The following PDE1A variants were observed in gnomAD, a reference collection of about 807,000 sequenced individuals.
PDE1A encodes dual specificity calcium/calmodulin-dependent 3',5'-cyclic nucleotide phosphodiesterase 1A.
A neutral mutation model predicts 61.7 loss-of-function variants in PDE1A; 35 were observed. The observed-to-expected ratio is 0.57, with a 90% CI of 0.43 to 0.75. The LOEUF (loss-of-function observed/expected upper bound fraction) is 0.75. Ranked by LOEUF, PDE1A falls within the 30% of genes least tolerant of loss-of-function variation. The pLI is 0.00. For missense variants in PDE1A, 597 were observed against 630.6 expected (o/e 0.95, Z 0.57); for synonymous variants, 232 against 213.2 (o/e 1.09, Z -0.77).
the PDE1A span, among the ~76,000 whole-genome samples, chr2:182,596,515 A>G: frequency 6.6e-6 from 1 of 152,178 alleles, no homozygotes; most frequent in South Asian, 2.1e-4. Context: ...AAGTGGCGAT[A>G]CTCTTCAATA....
chr2:182,704,186 C>T, the PDE1A span, among the ~76,000 whole-genome samples: 2 of 139,050 alleles, frequency 1.4e-5, no homozygotes, highest in Non-Finnish European at 3.0e-5. Context: ...ACTCCAGTCT[C>T]AGCAAGAGAG....
At chr2:182,357,977 C>T (rs994470709) in intron 1 of PDE1A, among the ~76,000 whole-genome samples, 1 of 152,172 alleles carries the variant, frequency 6.6e-6, no homozygotes, top group African/African-American at 2.4e-5. Context: ...GGGAAGTCAG[C>T]ACCCACTTCC....
At position 182,433,026 on chromosome 2, in the gene PDE1A, A is replaced by G. The variant is rs564772249; in HGVS notation, c.101+89250T>C. On this transcript the variant is annotated intron_variant, in intron 2 of 14. Transcript: ENST00000410103. Reference sequence around the variant, plus strand: ...ATCCACATCCTCCACCTGGATCTCTATTGAGGCTATTAAACCTTTGGCATC... The same window carrying G: ...ATCCACATCCTCCACCTGGATCTCTGTTGAGGCTATTAAACCTTTGGCATC... 5.9e-5 allele frequency among the ~76,000 whole-genome samples: 9 copies of G among 152,064 alleles called. No homozygotes were observed. The South Asian group carries it at 6.2e-4, about 11-fold the overall frequency.
chr2:182,444,490 A>G (rs1466818176), intron 2 of PDE1A, among the ~76,000 whole-genome samples: 3 of 152,118 alleles, frequency 2.0e-5, no homozygotes, highest in Non-Finnish European at 4.4e-5. Context: ...TATTCCATAC[A>G]TTTCTTTAAT....
the PDE1A span, among the ~76,000 whole-genome samples, chr2:182,559,981 C>T: frequency 6.6e-6 from 1 of 150,938 alleles, no homozygotes; most frequent in Non-Finnish European, 1.5e-5. Flanking sequence ...CAGCCAGTGA[C>T]TGGAAGGTAG....
chr2:182,325,786 G>C (rs1697003255), intron 1 of PDE1A, among the ~76,000 whole-genome samples: 1 of 152,124 alleles, frequency 6.6e-6, no homozygotes, highest in Non-Finnish European at 1.5e-5. Flanking sequence ...TGGCATGGTG[G>C]TGTGCATCTG....
the PDE1A span, among the ~76,000 whole-genome samples, chr2:182,607,959 G>A: frequency 6.6e-6 from 1 of 152,170 alleles, no homozygotes; most frequent in African/African-American, 2.4e-5. Flanking sequence ...AAAATGACCA[G>A]GCCTTTATAC....
chr2:182,589,269 G>GAGGGAGGGAGGAAGGAAGGAAGGA, the PDE1A span, among the ~76,000 whole-genome samples: 83 of 121,936 alleles, frequency 6.8e-4, no homozygotes, highest in Non-Finnish European at 1.2e-3. Flanking sequence ...GGGAGGGAGG[G>GAGGGAGGGAGGAAGGAAGGAAGGA]AGGAAGGAAG....
intron 2 of PDE1A, among the ~76,000 whole-genome samples, chr2:182,487,188 A>G (rs1293064158): frequency 6.6e-6 from 1 of 152,188 alleles, no homozygotes; most frequent in East Asian, 1.9e-4. Flanking sequence ...CGGTCATTAG[A>G]GAAATGTAAT....
intron 2 of PDE1A, among the ~76,000 whole-genome samples, chr2:182,252,190 G>A (rs890173373): frequency 1.3e-5 from 2 of 152,104 alleles, no homozygotes; most frequent in Non-Finnish European, 2.9e-5. Flanking sequence ...GCACTAGTTA[G>A]GTATTAGCCC....
upstream of PDE1A, among the ~76,000 whole-genome samples, chr2:182,428,442 G>T (rs1703748867): frequency 6.6e-6 from 1 of 151,932 alleles, no homozygotes; most frequent in South Asian, 2.1e-4. Context: ...ATAAAAAGAT[G>T]ATTTTATATT....
At chr2:182,254,185 GAA>G (rs1691607763) in intron 2 of PDE1A, among the ~76,000 whole-genome samples, 1 of 151,902 alleles carries the variant, frequency 6.6e-6, no homozygotes, top group Non-Finnish European at 1.5e-5. Context: ...GGCTGTTTTT[GAA>G]AGTTTGTAGA....
intron 2 of PDE1A, among the ~76,000 whole-genome samples, chr2:182,506,086 T>C (rs1331020283): frequency 6.6e-6 from 1 of 152,160 alleles, no homozygotes; most frequent in Non-Finnish European, 1.5e-5. Flanking sequence ...TAACTAAATA[T>C]CAGAAAATGA....
chr2:182,362,716 G>T (rs186710489), intron 1 of PDE1A, among the ~76,000 whole-genome samples: 22 of 152,052 alleles, frequency 1.4e-4, no homozygotes, highest in Admixed American at 7.2e-4. Flanking sequence ...CCATTACTGG[G>T]TATATACCCA....
chr2:182,463,082 A>G (rs1343417442), intron 2 of PDE1A, among the ~76,000 whole-genome samples: 1 of 151,848 alleles, frequency 6.6e-6, no homozygotes, highest in African/African-American at 2.4e-5. Flanking sequence ...CTCTACTAAA[A>G]ATACAATAAT....
intron 13 of PDE1A, among the ~76,000 whole-genome samples, chr2:182,169,449 T>C (rs1480358246): frequency 1.3e-5 from 2 of 152,064 alleles, no homozygotes; most frequent in African/African-American, 2.4e-5. Flanking sequence ...AAGGCAGTAT[T>C]GGCTAAAATT....
At chr2:182,499,302 A>G (rs965204993) in intron 2 of PDE1A, among the ~76,000 whole-genome samples, 4 of 148,456 alleles carry the variant, frequency 2.7e-5, no homozygotes, top group Non-Finnish European at 5.9e-5. Context: ...TCAGCCTCCC[A>G]AGTAGCTGGG....
intron 1 of PDE1A, among the ~76,000 whole-genome samples, chr2:182,345,298 G>A (rs1698452334): frequency 6.6e-6 from 1 of 152,120 alleles, no homozygotes; most frequent in Admixed American, 6.5e-5. Context: ...TCTTCAAGGT[G>A]CTAACCCACA....
At chr2:182,622,296 A>G in the PDE1A span, among the ~76,000 whole-genome samples, 1 of 152,316 alleles carries the variant, frequency 6.6e-6, no homozygotes, top group East Asian at 1.9e-4. Flanking sequence ...CTATAGAAAT[A>G]CTGATTTAAT....
Sources: allele counts gnomAD v4.1 joint callset (sites outside exome capture counted in the v4.1 genomes callset), GRCh38; gene constraint gnomAD v4.1.1; transcripts MANE v1.5; gene names NCBI Gene and HGNC (gene_info 2026-07-23, HGNC 2026-07-21).